TSPAN9: variants seen among roughly 807,000 people sequenced by gnomAD.
TSPAN9 encodes the protein tetraspanin 9.
A neutral mutation model predicts 31.0 loss-of-function variants in TSPAN9; 16 were observed. That is an observed-to-expected ratio of 0.52 (90% CI 0.35 to 0.78). The LOEUF is 0.78. TSPAN9 is among the 30% of genes least tolerant of loss of function. TSPAN9 has a pLI of 0.01. For missense variants in TSPAN9, 272 were observed against 312.5 expected, an observed-to-expected ratio of 0.87 and a Z score of 0.98; for synonymous variants, 145 against 121.6, an observed-to-expected ratio of 1.19 and a Z score of -1.27.
Position 3,143,199 on chromosome 12 carries a change from C to T in TSPAN9, c.-17-57978C>T, listed in dbSNP as rs2098335663. On this transcript the variant is annotated intron_variant, in intron 2 of 8. Coordinates refer to ENST00000011898, the MANE Select transcript of TSPAN9 (RefSeq NM_006675.5). The surrounding 1 kb of genome is among the most constrained non-coding windows in gnomAD (Gnocchi z 4.2). ...GCTCACTTGGAGAAGGTGATGTCTG[C>T]CAGGTATCTCCCGTATATAAAGTGG... Among the ~76,000 whole-genome samples, 1 of 149,998 alleles carries T rather than the reference C, an allele frequency of 6.7e-6. No homozygotes were observed.
intron 3 of TSPAN9, among the ~76,000 whole-genome samples, chr12:3,222,063 A>C (rs536916402): frequency 6.6e-6 from 1 of 152,370 alleles, no homozygotes; most frequent in African/African-American, 2.4e-5. Context: ...CAGCTACCTT[A>C]GGTGCTCTGT....
intron 3 of TSPAN9, among the ~76,000 whole-genome samples, chr12:3,206,651 T>G (rs1230031867): frequency 2.6e-5 from 4 of 152,168 alleles, no homozygotes; most frequent in African/African-American, 9.7e-5. Flanking sequence ...GCCTTTCTGT[T>G]TCTTCCACTG....
chr12:3,105,996 GCACA>G (rs1213014238), intron 2 of TSPAN9, among the ~76,000 whole-genome samples: 2 of 151,582 alleles, frequency 1.3e-5, no homozygotes, highest in Non-Finnish European at 2.9e-5. Context: ...ACTCAGTCTT[GCACA>G]CACACACTCA....
intron 2 of TSPAN9, among the ~76,000 whole-genome samples, chr12:3,198,669 GCACAGGC>G (rs1236153074): frequency 1.0e-5 from 1 of 96,222 alleles, no homozygotes; most frequent in African/African-American, 4.6e-5. Context: ...CTCACCACCA[GCACAGGC>G]CACCACCAGC....
intron 3 of TSPAN9, among the ~76,000 whole-genome samples, chr12:3,225,381 G>A (rs1038470560): frequency 2.0e-5 from 3 of 152,150 alleles, no homozygotes; most frequent in South Asian, 2.1e-4. Context: ...GTGCGGTGGC[G>A]GTCACAGCAT....
chr12:3,233,136 A>G (rs1182404447), intron 3 of TSPAN9, among the ~76,000 whole-genome samples: 4 of 152,148 alleles, frequency 2.6e-5, no homozygotes, highest in African/African-American at 9.7e-5. Flanking sequence ...TTTTCCCTCC[A>G]GGGCCACCTG....
chr12:3,113,431 T>C (rs2098320273), intron 2 of TSPAN9, among the ~76,000 whole-genome samples: 2 of 152,140 alleles, frequency 1.3e-5, no homozygotes, highest in Middle Eastern at 3.2e-3. Flanking sequence ...TGATGAGAAA[T>C]TGGGCTTGTT....
chr12:3,225,208 A>G (rs748723777), intron 3 of TSPAN9, among the ~76,000 whole-genome samples: 5 of 152,040 alleles, frequency 3.3e-5, no homozygotes, highest in Non-Finnish European at 7.4e-5. Flanking sequence ...GGACCGTGGG[A>G]AGGCTTTCAT....
intron 3 of TSPAN9, among the ~76,000 whole-genome samples, chr12:3,259,866 A>G (rs1862415829): frequency 6.6e-6 from 1 of 152,226 alleles, no homozygotes; most frequent in African/African-American, 2.4e-5. Context: ...TCTGTGGGGA[A>G]TGGGTTTGGA....
At chr12:3,094,630 G>C (rs2098306887) in intron 2 of TSPAN9, among the ~76,000 whole-genome samples, 1 of 151,400 alleles carries the variant, frequency 6.6e-6, no homozygotes, top group South Asian at 2.1e-4. Flanking sequence ...TCCGCTCCTG[G>C]GTTCAAGCGA....
At chr12:3,272,036 G>A (rs1010133810) in intron 3 of TSPAN9, among the ~76,000 whole-genome samples, 4 of 152,094 alleles carry the variant, frequency 2.6e-5, no homozygotes, top group Non-Finnish European at 5.9e-5. Flanking sequence ...TAAATGTTGG[G>A]CCTGGCCTTG....
rs1434499221 is a variant in TSPAN9 at position 3,285,434 on chromosome 12, G to C, written c.*2318G>C. 1 of 152,206 alleles carries C rather than the reference G, an allele frequency of 6.6e-6. No homozygotes were observed. Among genetic ancestry groups the C allele is most frequent in the African/African-American group, 2.4e-5 (1 of 41,446 alleles). 9.4% of individuals were successfully genotyped at this position (152,206 alleles called of 1,614,324 possible). A position where few individuals can be genotyped will look rare whatever the true frequency, so the allele number is the denominator to read the frequency against. On this transcript the variant is annotated 3_prime_UTR_variant, in exon 9 of 9. Transcript: ENST00000011898. ...CTGGCCCCAGAGCCTTTGCCACAGT[G>C]CTCCCACCAGCCCCCACCTCATCCG...
intron 2 of TSPAN9, among the ~76,000 whole-genome samples, chr12:3,085,020 G>A (rs1425952579): frequency 4.6e-5 from 7 of 152,182 alleles, no homozygotes; most frequent in Non-Finnish European, 5.9e-5. Context: ...GAGGCACCGC[G>A]TATCACTGGA....
intron 2 of TSPAN9, among the ~76,000 whole-genome samples, chr12:3,089,543 C>T (rs1353006351): frequency 6.6e-6 from 1 of 151,928 alleles, no homozygotes; most frequent in African/African-American, 2.4e-5. Context: ...GATCCGCCCT[C>T]CTTGGCCTCC....
intron 2 of TSPAN9, among the ~76,000 whole-genome samples, chr12:3,094,638 C>T (rs980136299): frequency 1.3e-5 from 2 of 150,838 alleles, no homozygotes; most frequent in Admixed American, 6.6e-5. Flanking sequence ...TGGGTTCAAG[C>T]GATTCTCCTG....
At chr12:3,110,804 G>A (rs949898249) in intron 2 of TSPAN9, among the ~76,000 whole-genome samples, 1 of 152,182 alleles carries the variant, frequency 6.6e-6, no homozygotes, top group Non-Finnish European at 1.5e-5. Flanking sequence ...CAAGTATTTA[G>A]CATTGTTTCT....
At position 3,094,701 on chromosome 12, in the gene TSPAN9, A is replaced by G. The variant is rs561217918; in HGVS notation, c.-18+10982A>G. 6.8e-4 allele frequency among the ~76,000 whole-genome samples: 104 copies of G among 151,890 alleles called. 1 individual carries two copies. The South Asian group carries it at 0.021, about 31-fold the overall frequency. ...CAGGTGGCTGCCACTACTCCTGGCT[A>G]ATTTTGTATTTTTAGCAGAGATGAG... On this transcript the variant is annotated intron_variant, in intron 2 of 8. Transcript: ENST00000011898.
At chr12:3,137,363 C>T (rs1676375985) in intron 2 of TSPAN9, among the ~76,000 whole-genome samples, 1 of 152,202 alleles carries the variant, frequency 6.6e-6, no homozygotes, top group Non-Finnish European at 1.5e-5. Context: ...ACATAAGTGC[C>T]TGCCCCTGGA....
At chr12:3,228,220 C>T (rs760240386) in intron 3 of TSPAN9, among the ~76,000 whole-genome samples, 4 of 152,078 alleles carry the variant, frequency 2.6e-5, no homozygotes, top group Non-Finnish European at 4.4e-5. Context: ...AATGTGGTGG[C>T]ATGCACCTGT....
Sources: allele counts gnomAD v4.1 joint callset (sites outside exome capture counted in the v4.1 genomes callset), GRCh38; gene constraint gnomAD v4.1.1; non-coding constraint Gnocchi (gnomAD v3.1); transcripts MANE v1.5; gene names NCBI Gene and HGNC (gene_info 2026-07-23, HGNC 2026-07-21).